Variants in SLC12A6 observed in about 807,000 individuals in gnomAD.
SLC12A6 encodes the protein solute carrier family 12 member 6, also known as K-Cl cotransporter 3.
In SLC12A6, 66 loss-of-function variants were observed where a neutral mutation model predicts 135.3. The ratio of observed to expected loss-of-function variants is 0.49; its 90% CI spans 0.40 to 0.60. The LOEUF is 0.60. Among genes scored for constraint, SLC12A6 ranks in the 20% least tolerant of loss-of-function variants. The probability of loss-of-function intolerance (pLI) is 0.00; values close to 1 mark genes in which losing one functional copy is unlikely to be tolerated. For missense variants in SLC12A6, 1,058 were observed against 1,452.3 expected (o/e 0.73, Z 4.41); for synonymous variants, 513 against 508.8 (o/e 1.01, Z -0.11).
chr15:34,294,637 A>C (rs963378668), intron 2 of SLC12A6, among the ~76,000 whole-genome samples: 1 of 151,888 alleles, frequency 6.6e-6, no homozygotes, highest in Non-Finnish European at 1.5e-5. Context: ...ACATAATCTT[A>C]GGTTACTGTA....
chr15:34,280,786 C>A (rs917161481), intron 2 of SLC12A6, among the ~76,000 whole-genome samples: 3 of 152,040 alleles, frequency 2.0e-5, no homozygotes, highest in African/African-American at 7.2e-5. Flanking sequence ...ACCTGGGTGT[C>A]CAAAAACAGA....
intron 2 of SLC12A6, among the ~76,000 whole-genome samples, chr15:34,307,300 G>A (rs987600851): frequency 6.6e-6 from 1 of 152,098 alleles, no homozygotes. Context: ...TGAACAGGAA[G>A]TTCACTAAAC....
chr15:34,296,600 T>C (rs1358132774), intron 2 of SLC12A6, among the ~76,000 whole-genome samples: 4 of 152,194 alleles, frequency 2.6e-5, no homozygotes, highest in African/African-American at 4.8e-5. Flanking sequence ...AAGGCATGTA[T>C]GAAATAATTA....
At position 34,324,410 on chromosome 15, in the gene SLC12A6, A is replaced by T. The variant is rs1889326905; in HGVS notation, c.271+12000T>A. Among the ~76,000 whole-genome samples, 3 of 152,206 alleles carry T rather than the reference A, an allele frequency of 2.0e-5. No homozygotes were observed. In the South Asian group the frequency reaches 6.2e-4, roughly 31 times the overall value. ...TTATATATTAGGCCAAATCTTACAC[A>T]TATTGTATTTATGTTATTAATTAGT... On this transcript the variant is annotated intron_variant, in intron 2 of 25. Transcript: ENST00000354181.
At chr15:34,302,655 A>G (rs940113703) in intron 2 of SLC12A6, among the ~76,000 whole-genome samples, 3 of 152,152 alleles carry the variant, frequency 2.0e-5, no homozygotes, top group African/African-American at 4.8e-5. Flanking sequence ...AGATTGTGCC[A>G]CTGCACTCCA....
chr15:34,235,092 T>C (rs776418777), intron 25 of SLC12A6, 89 bp downstream of exon 25: 8 of 1,202,418 alleles, frequency 6.7e-6, no homozygotes, highest in Admixed American at 3.4e-5. Context: ...AAGTGGGGCA[T>C]AGACAATGAC....
At chr15:34,258,291 A>G (rs1892891083) in intron 5 of SLC12A6, among the ~76,000 whole-genome samples, 1 of 152,230 alleles carries the variant, frequency 6.6e-6, no homozygotes, top group Non-Finnish European at 1.5e-5. Flanking sequence ...ATTTTGAGAC[A>G]AACTGATGTT....
At chr15:34,244,139 A>G in intron 15 of SLC12A6, 67 bp from the exon 16 acceptor site, 4 of 928,458 alleles carry the variant, frequency 4.3e-6, no homozygotes, top group Non-Finnish European at 7.2e-6. Flanking sequence ...TAAGTAACTG[A>G]ATACCTTTGC....
In SLC12A6 at chr15:34,236,212, G is replaced by A. The variant is rs1891252799; in HGVS notation, c.3043-13C>T. On this transcript the variant is annotated splice_polypyrimidine_tract_variant and intron_variant, in intron 23 of 25. Transcript: ENST00000354181. The stretch of plus-strand genomic sequence containing the variant: ...TCACCAATTGTGCCTGAGGAAGAAG[G>A]TCCAACACAAGTTATTCTACCAAAT... 3.1e-6 allele frequency: 5 copies of A among 1,608,856 alleles called. No individual in the cohort carries two copies. The highest frequency in any genetic ancestry group is 4.3e-6 in the Non-Finnish European group (5 of 1,175,294).
At chr15:34,285,320 C>G (rs1231925285) in intron 2 of SLC12A6, among the ~76,000 whole-genome samples, 1 of 152,054 alleles carries the variant, frequency 6.6e-6, no homozygotes, top group Non-Finnish European at 1.5e-5. Context: ...GTTGACTAGC[C>G]TAGGTATGTT....
Position 34,250,341 on chromosome 15 carries a change from C to G in SLC12A6, c.1606G>C (p.Val536Leu). 1 of 1,593,384 alleles carries G rather than the reference C, an allele frequency of 6.3e-7. No homozygotes were observed. The highest frequency in any genetic ancestry group is 1.1e-5 in the South Asian group (1 of 90,652). The change falls in exon 13 of 26, where the codon GTC becomes CTC. Residue 536 changes from valine (V) to leucine (L), a missense_variant. By Grantham distance (32) the Val-to-Leu change is conservative. Transcript: ENST00000354181. ...CCTTCAATACATGCACCAAAAAGGA[C>G]AACATTGCTTAAATCTACCATATTG... is the stretch of plus-strand genomic sequence containing the variant. ...TTSFVYLSNV[V>L]LFGACIEGVV...
At chr15:34,305,759 A>ATT (rs1161853179) in intron 2 of SLC12A6, among the ~76,000 whole-genome samples, 124 of 139,368 alleles carry the variant, frequency 8.9e-4, no homozygotes, top group African/African-American at 2.9e-3. Flanking sequence ...CTCCTCCAGC[A>ATT]TTTTTTTTTT....
chr15:34,322,978 C>CAA (rs1218702689), intron 2 of SLC12A6, among the ~76,000 whole-genome samples: 461 of 38,802 alleles, frequency 0.012, 5 homozygotes, highest in African/African-American at 0.022. Flanking sequence ...AACTCTGTCT[C>CAA]AAAAAAAAAA....
intron 2 of SLC12A6, among the ~76,000 whole-genome samples, chr15:34,310,379 C>T (rs1330225641): frequency 2.2e-5 from 2 of 93,010 alleles, no homozygotes; most frequent in Non-Finnish European, 4.2e-5. Flanking sequence ...TGTGTGTGTC[C>T]CTGTGTCCAG....
chr15:34,318,883 T>A, intron 2 of SLC12A6: 1 of 1,334,432 alleles, frequency 7.5e-7, no homozygotes, highest in Non-Finnish European at 9.9e-7. Context: ...TCCACAGTGT[T>A]TATCATTCAC....
At chr15:34,301,947 A>G (rs1388774094) in intron 2 of SLC12A6, among the ~76,000 whole-genome samples, 2 of 152,350 alleles carry the variant, frequency 1.3e-5, no homozygotes, top group Middle Eastern at 3.4e-3. Context: ...TGTTAAGACC[A>G]CTTTTTGTTT....
At chr15:34,253,113 C>A (rs1292743266) in intron 9 of SLC12A6, among the ~76,000 whole-genome samples, 1 of 152,136 alleles carries the variant, frequency 6.6e-6, no homozygotes, top group African/African-American at 2.4e-5. Flanking sequence ...AATAATACAT[C>A]CATAGTTAAA....
intron 2 of SLC12A6, among the ~76,000 whole-genome samples, chr15:34,286,484 G>A (rs1372981147): frequency 6.6e-6 from 1 of 152,044 alleles, no homozygotes; most frequent in Non-Finnish European, 1.5e-5. Flanking sequence ...TAAAAGGAGA[G>A]CTCCATTTTC....
intron 3 of SLC12A6, among the ~76,000 whole-genome samples, chr15:34,272,261 G>A (rs909123507): frequency 5.3e-5 from 8 of 152,104 alleles, no homozygotes; most frequent in African/African-American, 1.2e-4. Flanking sequence ...GGTGAACCAC[G>A]GCGCCTGGTT....
Sources: gnomAD v4.1 joint callset for allele counts (sites outside exome capture counted in the v4.1 genomes callset) on GRCh38, gnomAD v4.1.1 for gene constraint, MANE v1.5 for transcripts, NCBI Gene and HGNC (gene_info 2026-07-23, HGNC 2026-07-21) for gene names.